The following TANGO6 variants were observed in gnomAD, a reference collection of about 807,000 sequenced individuals.
The protein encoded by TANGO6 is transport and Golgi organization protein 6 homolog.
In TANGO6, 90 loss-of-function variants were observed where a neutral mutation model predicts 114.2. The observed-to-expected ratio is 0.79, with a 90% CI of 0.66 to 0.94. TANGO6 has a LOEUF of 0.94. Among genes scored for constraint, TANGO6 ranks in the 40% least tolerant of loss-of-function variants. The pLI is 0.00. For synonymous variants in TANGO6, 477 were observed against 509.8 expected (o/e 0.94, Z 0.87); for missense variants, 1,274 against 1,315.3 (o/e 0.97, Z 0.49).
rs41433348 is a variant in TANGO6, at chr16:68,919,290, A to G, written c.2127+71A>G. The G allele has an allele frequency of 4.0e-3, 6,242 of 1,549,830 alleles. 211 individuals are homozygous for G. The African/African-American group carries it at 0.074, about 18-fold the overall frequency. On this transcript the variant is annotated intron_variant, in intron 12 of 17. Coordinates refer to ENST00000261778, the MANE Select transcript of TANGO6 (RefSeq NM_024562.2). The stretch of plus-strand genomic sequence containing the variant: ...GCGAAATACCAGTTGTTTTCCTTCC[A>G]TATCCTTGTGAGAAATAAGAATGGA...
intron 14 of TANGO6, among the ~76,000 whole-genome samples, chr16:68,952,362 G>GT (rs1380724287): frequency 1.3e-5 from 2 of 152,138 alleles, no homozygotes; most frequent in African/African-American, 4.8e-5. Flanking sequence ...CTTTATTGCA[G>GT]TATCAGCTAG....
intron 15 of TANGO6, among the ~76,000 whole-genome samples, chr16:68,981,134 C>T (rs1963831936): frequency 6.6e-6 from 1 of 151,570 alleles, no homozygotes; most frequent in Non-Finnish European, 1.5e-5. Flanking sequence ...CATCTGTTTC[C>T]TCTTATGTGG....
chr16:69,057,191 A>G (rs1391522349), intron 17 of TANGO6, among the ~76,000 whole-genome samples: 2 of 151,582 alleles, frequency 1.3e-5, no homozygotes, highest in Non-Finnish European at 2.9e-5. Context: ...CAAAAATGGT[A>G]AATTGCTCTT....
chr16:68,930,188 T>A, intron 13 of TANGO6, 50 bp from the exon 14 acceptor site: 1 of 1,497,222 alleles, frequency 6.7e-7, no homozygotes, highest in Non-Finnish European at 9.1e-7. Context: ...GCCTCTTAAA[T>A]CTTCCTTGTT....
intron 14 of TANGO6, chr16:68,937,345 T>C (rs1315659772): frequency 6.6e-6 from 1 of 152,254 alleles, no homozygotes; most frequent in African/African-American, 2.4e-5. Flanking sequence ...CAGTAAATTC[T>C]CTAAGTAGTT....
intron 17 of TANGO6, among the ~76,000 whole-genome samples, chr16:69,059,872 C>A (rs112437361): frequency 3.3e-5 from 5 of 152,272 alleles, no homozygotes; most frequent in African/African-American, 1.2e-4. Flanking sequence ...TCAGTGGTTT[C>A]TTGTGGTCTA....
rs974287497 is a variant in TANGO6, at chr16:68,909,360, G to A, written c.1950G>A (p.Leu650=). The change falls in exon 11 of 18, where the codon CTG becomes CTA. Residue 650 remains leucine, a synonymous_variant. Coordinates refer to ENST00000261778, the MANE Select transcript of TANGO6 (RefSeq NM_024562.2). ...TTGTCCTGCAGCTGATGGCTGTTCTGTGCGAGAGAATGTCTGAGCAGATAT... is the reference window on the plus strand; with the variant it reads ...TTGTCCTGCAGCTGATGGCTGTTCTATGCGAGAGAATGTCTGAGCAGATAT... The part of the protein sequence containing the change: ...KLLVLQLMAV[L]CERMSEQIFT... 1.9e-6 allele frequency: 3 copies of A among 1,588,078 alleles called. No individual in the cohort carries two copies. The African/African-American group carries it at 4.1e-5, about 21-fold the overall frequency.
intron 17 of TANGO6, among the ~76,000 whole-genome samples, chr16:69,053,916 T>C (rs1959992554): frequency 6.6e-6 from 1 of 152,012 alleles, no homozygotes; most frequent in Admixed American, 6.6e-5. Context: ...TACAAAAAAA[T>C]TAGCCAGGTA....
chr16:68,882,208 T>G (rs903550961), intron 7 of TANGO6, among the ~76,000 whole-genome samples: 12 of 151,040 alleles, frequency 7.9e-5, no homozygotes, highest in African/African-American at 2.7e-4. Context: ...GAAAACTTGT[T>G]CATATAGGCC....
intron 9 of TANGO6, among the ~76,000 whole-genome samples, chr16:68,905,534 C>CAA (rs113940976): frequency 9.0e-6 from 1 of 111,622 alleles, no homozygotes; most frequent in Non-Finnish European, 1.9e-5. Flanking sequence ...AACTCTGTCT[C>CAA]AAAAAAAAAA....
chr16:69,030,529 TG>T (rs1422524655), intron 16 of TANGO6, among the ~76,000 whole-genome samples: 1 of 150,148 alleles, frequency 6.7e-6, no homozygotes, highest in African/African-American at 2.5e-5. Flanking sequence ...AGTAAAGGGG[TG>T]GGGGGTTAGT....
chr16:69,009,072 C>CTTTTTTT (rs869092742), intron 15 of TANGO6, among the ~76,000 whole-genome samples: 2 of 77,640 alleles, frequency 2.6e-5, no homozygotes, highest in African/African-American at 5.4e-5. Context: ...GAGTTTATTT[C>CTTTTTTT]TTTTTTTTTT....
chr16:68,894,844 C>T (rs994163470), intron 7 of TANGO6, among the ~76,000 whole-genome samples: 1 of 152,090 alleles, frequency 6.6e-6, no homozygotes, highest in Non-Finnish European at 1.5e-5. Context: ...TTTTTCATCA[C>T]TGTACGTGGA....
intron 14 of TANGO6, chr16:68,973,765 G>C (rs1963733763): frequency 2.1e-6 from 1 of 473,286 alleles, no homozygotes; most frequent in Non-Finnish European, 3.8e-6. Context: ...AGGAGGCATT[G>C]CCTGGATCAT....
chr16:68,991,305 A>G (rs1021083669), intron 15 of TANGO6, among the ~76,000 whole-genome samples: 3 of 152,174 alleles, frequency 2.0e-5, no homozygotes, highest in Admixed American at 6.5e-5. Context: ...TGGCAGGGAC[A>G]TGAAGGATGC....
intron 15 of TANGO6, among the ~76,000 whole-genome samples, chr16:69,004,355 C>CTT (rs796509463): frequency 6.9e-6 from 1 of 144,750 alleles, no homozygotes; most frequent in African/African-American, 2.5e-5. Flanking sequence ...TATTTCTTTT[C>CTT]TTTTTTTTTT....
chr16:68,876,530 G>A (rs891886544), intron 5 of TANGO6, among the ~76,000 whole-genome samples: 3 of 151,724 alleles, frequency 2.0e-5, no homozygotes, highest in Non-Finnish European at 2.9e-5. Context: ...TTCATTGATA[G>A]TGTACTTTGG....
At chr16:69,035,730 T>C (rs1959675192) in intron 16 of TANGO6, 1 of 152,104 alleles carries the variant, frequency 6.6e-6, no homozygotes, top group Admixed American at 6.6e-5. Context: ...CTTTCCATAG[T>C]GTGGTTTACT....
chr16:68,959,869 A>G (rs1449372034), intron 14 of TANGO6, among the ~76,000 whole-genome samples: 1 of 152,210 alleles, frequency 6.6e-6, no homozygotes, highest in Non-Finnish European at 1.5e-5. Flanking sequence ...TTCTTTGCAT[A>G]GGCTTGAGGT....
Sources: gnomAD v4.1 joint callset for allele counts (sites outside exome capture counted in the v4.1 genomes callset) on GRCh38, gnomAD v4.1.1 for gene constraint, MANE v1.5 for transcripts, NCBI Gene and HGNC (gene_info 2026-07-23, HGNC 2026-07-21) for gene names.